DAPP1: variants seen among roughly 807,000 people sequenced by gnomAD.
DAPP1 encodes the protein dual adapter for phosphotyrosine and 3-phosphotyrosine and 3-phosphoinositide.
A neutral mutation model predicts 41.5 loss-of-function variants in DAPP1; 20 were observed. The ratio of observed to expected loss-of-function variants is 0.48; its 90% CI spans 0.34 to 0.70. The LOEUF (loss-of-function observed/expected upper bound fraction) is 0.70. DAPP1 is among the 30% of genes least tolerant of loss of function. The pLI, the probability that DAPP1 is intolerant of heterozygous loss-of-function variation, is 0.01. For missense variants in DAPP1, 233 were observed against 333.4 expected (o/e 0.70, Z 2.35); for synonymous variants, 113 against 116.2 (o/e 0.97, Z 0.18).
chr4:99,825,422 G>T (rs1263317303), intron 1 of DAPP1, among the ~76,000 whole-genome samples: 3 of 152,102 alleles, frequency 2.0e-5, no homozygotes, highest in African/African-American at 7.2e-5. Flanking sequence ...TTTCAGTTTT[G>T]ATTTCCATTA....
At chr4:99,856,041 T>C (rs1724032941) in intron 4 of DAPP1, among the ~76,000 whole-genome samples, 2 of 152,226 alleles carry the variant, frequency 1.3e-5, no homozygotes, top group Admixed American at 1.3e-4. Context: ...ATAAACAACA[T>C]AGCATTGAGT....
intron 4 of DAPP1, among the ~76,000 whole-genome samples, chr4:99,854,406 GA>G (rs1723973817): frequency 6.6e-6 from 1 of 152,176 alleles, no homozygotes; most frequent in African/African-American, 2.4e-5. Flanking sequence ...CATGACACTT[GA>G]AAAATAATCA....
At chr4:99,871,621 C>T (rs1233081883), downstream of DAPP1, among the ~76,000 whole-genome samples, 2 of 152,178 alleles carry the variant, frequency 1.3e-5, no homozygotes, top group Non-Finnish European at 2.9e-5. Context: ...AAACAGTGTG[C>T]ACAACAGCCC....
chr4:99,834,879 GCCTCTT>G (rs1315802183), intron 1 of DAPP1, among the ~76,000 whole-genome samples: 1 of 152,094 alleles, frequency 6.6e-6, no homozygotes, highest in African/African-American at 2.4e-5. Flanking sequence ...TCTGTTCCAG[GCCTCTT>G]CCTGTGGCTT....
intron 4 of DAPP1, among the ~76,000 whole-genome samples, chr4:99,857,628 C>T (rs1390925619): frequency 4.6e-5 from 7 of 150,772 alleles, no homozygotes; most frequent in African/African-American, 1.7e-4. Flanking sequence ...TTTTGAAACT[C>T]TTCTCAGGTT....
rs893264974 is a variant in DAPP1 at position 99,843,686 on chromosome 4, CTTTA to C, written c.358+3268_358+3271del. On this transcript the variant is annotated intron_variant, in intron 3 of 8. Transcript: ENST00000512369. Reference sequence around the variant, plus strand: ...TAGAGATATACAATGTACTCTCTTGCTTTATTTTTCTCAATGGCCCTTTTACCTT... The same window carrying C: ...TAGAGATATACAATGTACTCTCTTGCTTTTTCTCAATGGCCCTTTTACCTT... 2.4e-3 allele frequency among the ~76,000 whole-genome samples: 361 copies of C among 152,026 alleles called. 3 individuals are homozygous for C. Among genetic ancestry groups the C allele is most frequent in the African/African-American group, 8.5e-3 (353 of 41,332 alleles).
At chr4:99,846,296 G>A (rs1012402260) in intron 3 of DAPP1, among the ~76,000 whole-genome samples, 4 of 152,152 alleles carry the variant, frequency 2.6e-5, no homozygotes, top group African/African-American at 9.7e-5. Flanking sequence ...AATAATTATG[G>A]TATAATGAGT....
intron 3 of DAPP1, among the ~76,000 whole-genome samples, chr4:99,849,339 C>T (rs1318153981): frequency 6.6e-6 from 1 of 152,170 alleles, no homozygotes; most frequent in Non-Finnish European, 1.5e-5. Context: ...TGGTTCATCC[C>T]AGGTTCTTTC....
chr4:99,852,445 TAGACTC>T (rs753432472), intron 3 of DAPP1, among the ~76,000 whole-genome samples: 42 of 152,314 alleles, frequency 2.8e-4, no homozygotes, highest in Middle Eastern at 3.4e-3. Context: ...GTCAGAAACA[TAGACTC>T]AGAACTGCTC....
chr4:99,871,158 T>C (rs1724618844), downstream of DAPP1, among the ~76,000 whole-genome samples: 1 of 152,154 alleles, frequency 6.6e-6, no homozygotes, highest in African/African-American at 2.4e-5. Flanking sequence ...GTCAGGGCAT[T>C]ATGCTGTGTC....
intron 4 of DAPP1, among the ~76,000 whole-genome samples, chr4:99,857,699 T>TACACAC (rs1447344273): frequency 1.5e-5 from 2 of 133,552 alleles, no homozygotes; most frequent in Admixed American, 7.6e-5. Context: ...TATGTATGTA[T>TACACAC]ATACACACAC....
Position 99,869,534 on chromosome 4 carries a change from AT to A in DAPP1, c.*1354del, listed in dbSNP as rs1191945524. On this transcript the variant is annotated 3_prime_UTR_variant, in exon 9 of 9. Coordinates refer to ENST00000512369, the MANE Select transcript of DAPP1 (RefSeq NM_014395.3). Reference sequence around the variant, plus strand: ...ATCTCAGACGCAAAAATTACATTAAATTTTTGTATATTTCAACAACATTTTA... The same window carrying A: ...ATCTCAGACGCAAAAATTACATTAAATTTTGTATATTTCAACAACATTTTA... 6.6e-6 allele frequency: 1 copy of A among 152,212 alleles called. No individual in the cohort carries two copies. Among genetic ancestry groups the A allele is most frequent in the Non-Finnish European group, 1.5e-5 (1 of 68,038 alleles). 9.4% of individuals were successfully genotyped at this position (152,212 alleles called of 1,614,324 possible).
chr4:99,847,882 C>T (rs1338845511), intron 3 of DAPP1, among the ~76,000 whole-genome samples: 7 of 152,082 alleles, frequency 4.6e-5, no homozygotes, highest in Admixed American at 6.5e-5. Flanking sequence ...GGCGCCATCT[C>T]GGCTCACTGC....
intron 4 of DAPP1, among the ~76,000 whole-genome samples, chr4:99,857,963 T>C (rs1724105069): frequency 6.6e-6 from 1 of 152,228 alleles, no homozygotes; most frequent in African/African-American, 2.4e-5. Context: ...GCTAGAATAG[T>C]ACACAGAACT....
chr4:99,863,774 C>T lies in DAPP1; in HGVS notation c.605C>T (p.Pro202Leu), dbSNP rs753089835. Residue 202 changes from proline to leucine, a missense_variant, in exon 7 of 9, where the codon CCA becomes CTA. Pro to Leu is a moderately conservative substitution (Grantham distance 98). Coordinates refer to ENST00000512369, the MANE Select transcript of DAPP1 (RefSeq NM_014395.3). ...ELKYFKDQMSPEPIRILDLTE... is the reference protein window; with the variant it reads ...ELKYFKDQMSLEPIRILDLTE... The stretch of plus-strand genomic sequence containing the variant: ...GTTGCTTTTTATTTTATTTAGTCAC[C>T]AGAACCAATTCGGATCCTAGACCTA... 3.2e-6 allele frequency: 5 copies of T among 1,572,252 alleles called. No individual in the cohort carries two copies. Among genetic ancestry groups the T allele is most frequent in the Non-Finnish European group, 4.3e-6 (5 of 1,157,552 alleles).
At chr4:99,836,446 A>C (rs1001721773) in intron 2 of DAPP1, among the ~76,000 whole-genome samples, 1 of 152,156 alleles carries the variant, frequency 6.6e-6, no homozygotes, top group Admixed American at 6.5e-5. Context: ...ACATGTAGCA[A>C]GTATTCTTGG....
At chr4:99,870,351 GTA>G (rs146375460), downstream of DAPP1, among the ~76,000 whole-genome samples, 2 of 146,564 alleles carry the variant, frequency 1.4e-5, no homozygotes, top group African/African-American at 2.6e-5. Context: ...ATATATGCGT[GTA>G]TATATATATA....
intron 5 of DAPP1, 111 bp from the exon 6 acceptor site, chr4:99,862,899 A>C (rs1223898167): frequency 1.3e-6 from 1 of 791,720 alleles, no homozygotes; most frequent in Non-Finnish European, 1.9e-6. Flanking sequence ...TATAGTATTT[A>C]ATTTTTTAGA....
rs1183495227 is a variant in DAPP1, at chr4:99,868,813, G to A, written c.*628G>A. The A allele has an allele frequency of 6.6e-6, 1 of 151,984 alleles. No individual in the cohort carries two copies. Among genetic ancestry groups the A allele is most frequent in the African/African-American group, 2.4e-5 (1 of 41,356 alleles). 9.4% of individuals were successfully genotyped at this position (151,984 alleles called of 1,614,324 possible). A position where few individuals can be genotyped will look rare whatever the true frequency, so the allele number is the denominator to read the frequency against. On this transcript the variant is annotated 3_prime_UTR_variant, in exon 9 of 9. Coordinates refer to ENST00000512369, the MANE Select transcript of DAPP1 (RefSeq NM_014395.3). ...GTCCTTTGCTTCTAATGACAAAACT[G>A]TGAGAGCTAGATGTCCTATGGGCAA...
Sources: allele counts gnomAD v4.1 joint callset (sites outside exome capture counted in the v4.1 genomes callset), GRCh38; gene constraint gnomAD v4.1.1; transcripts MANE v1.5; gene names NCBI Gene and HGNC (gene_info 2026-07-23, HGNC 2026-07-21).